The following ADORA2B variants were observed in gnomAD, a reference collection of about 807,000 sequenced individuals.
ADORA2B encodes the protein adenosine A2b receptor.
A neutral mutation model predicts 20.8 loss-of-function variants in ADORA2B; 18 were observed. The observed-to-expected ratio is 0.87, with a 90% CI of 0.60 to 1.29. The LOEUF (loss-of-function observed/expected upper bound fraction) is 1.29, where lower values mean the gene tolerates loss of function less well. Among genes scored for constraint, ADORA2B ranks in the 50% most tolerant of loss-of-function variants. The pLI is 0.00. For synonymous variants in ADORA2B, 179 were observed against 178.3 expected, an observed-to-expected ratio of 1.00 and a Z score of -0.03; for missense variants, 441 against 422.7, an observed-to-expected ratio of 1.04 and a Z score of -0.38.
chr17:15,974,551 C>A (rs1313014387), intron 1 of ADORA2B, 128 bp from the exon 2 acceptor site: 2 of 774,730 alleles, frequency 2.6e-6, no homozygotes, highest in Non-Finnish European at 4.2e-6. Flanking sequence ...AGGGTAAAGG[C>A]CTTAGTGCCC....
the ADORA2B span, among the ~76,000 whole-genome samples, chr17:15,861,321 G>A: frequency 6.6e-6 from 1 of 152,228 alleles, no homozygotes; most frequent in African/African-American, 2.4e-5. Context: ...GGACTAGACT[G>A]GGCTTCCTAA....
chr17:15,902,630 C>G, the ADORA2B span, among the ~76,000 whole-genome samples: 1 of 152,198 alleles, frequency 6.6e-6, no homozygotes, highest in African/African-American at 2.4e-5. Context: ...GCCTTTTTCT[C>G]TTCCATCTGA....
At chr17:15,951,863 C>T (rs921770755) in intron 1 of ADORA2B, among the ~76,000 whole-genome samples, 3 of 152,270 alleles carry the variant, frequency 2.0e-5, no homozygotes, top group South Asian at 4.1e-4. Flanking sequence ...AAGGAGGGCC[C>T]GCTCAAGCCA....
At chr17:15,885,249 C>T in the ADORA2B span, among the ~76,000 whole-genome samples, 8 of 152,232 alleles carry the variant, frequency 5.3e-5, no homozygotes, top group East Asian at 1.5e-3. Context: ...GTACTTTGCC[C>T]ACTTTTTAAA....
intron 1 of ADORA2B, among the ~76,000 whole-genome samples, chr17:15,956,660 G>C (rs11658375): frequency 7.6e-6 from 1 of 132,228 alleles, no homozygotes; most frequent in African/African-American, 2.9e-5. Flanking sequence ...CAATGGTGCA[G>C]TCTTGGCTCA....
At chr17:15,940,370 G>T (rs1201003791), upstream of ADORA2B, among the ~76,000 whole-genome samples, 1 of 152,206 alleles carries the variant, frequency 6.6e-6, no homozygotes, top group Non-Finnish European at 1.5e-5. Context: ...AGCGGAGCCA[G>T]TCCCAAGCTT....
intron 1 of ADORA2B, among the ~76,000 whole-genome samples, chr17:15,947,458 T>G (rs1969821914): frequency 6.6e-6 from 1 of 152,088 alleles, no homozygotes; most frequent in South Asian, 2.1e-4. Context: ...AAAATGGGTG[T>G]GGGTGTGTTA....
chr17:15,930,174 G>A, the ADORA2B span, among the ~76,000 whole-genome samples: 2 of 152,106 alleles, frequency 1.3e-5, no homozygotes, highest in African/African-American at 4.8e-5. Context: ...GAAACAGTGA[G>A]CATCCTGGGG....
At chr17:15,941,300 C>T (rs896352021), upstream of ADORA2B, among the ~76,000 whole-genome samples, 3 of 152,140 alleles carry the variant, frequency 2.0e-5, no homozygotes, top group Admixed American at 2.0e-4. Flanking sequence ...ATATTGTTAT[C>T]CCATCTTATA....
chr17:15,870,125 G>C, the ADORA2B span, among the ~76,000 whole-genome samples: 3 of 148,544 alleles, frequency 2.0e-5, no homozygotes, highest in Non-Finnish European at 3.0e-5. Context: ...TGCAACTGCA[G>C]AGCTGAGTAG....
chr17:15,960,600 G>A (rs1231607945), intron 1 of ADORA2B, among the ~76,000 whole-genome samples: 4 of 142,364 alleles, frequency 2.8e-5, no homozygotes, highest in East Asian at 4.2e-4. Context: ...GGCCGGGCGC[G>A]GTGGCTCATG....
the ADORA2B span, among the ~76,000 whole-genome samples, chr17:15,894,722 A>G: frequency 3.3e-5 from 5 of 152,168 alleles, no homozygotes; most frequent in East Asian, 1.9e-4. Context: ...ACACAACACC[A>G]TGGTGTCTGG....
At chr17:15,909,535 C>T in the ADORA2B span, among the ~76,000 whole-genome samples, 3 of 151,834 alleles carry the variant, frequency 2.0e-5, no homozygotes, top group African/African-American at 4.9e-5. Flanking sequence ...TGCTCTGGAG[C>T]GGCCGGCCTC....
At chr17:15,895,515 A>T in the ADORA2B span, among the ~76,000 whole-genome samples, 1 of 152,106 alleles carries the variant, frequency 6.6e-6, no homozygotes, top group South Asian at 2.1e-4. Flanking sequence ...AGAGCTTGAA[A>T]CACAAATCTG....
At chr17:15,871,605 C>T in the ADORA2B span, among the ~76,000 whole-genome samples, 2 of 152,154 alleles carry the variant, frequency 1.3e-5, no homozygotes, top group Non-Finnish European at 1.5e-5. Context: ...TGCTGAACAG[C>T]GGCTTATCTG....
At chr17:15,944,839 A>G (rs1212915863), upstream of ADORA2B, 1 of 154,602 alleles carries the variant, frequency 6.5e-6, no homozygotes, top group Non-Finnish European at 1.4e-5. This position sits in a 1 kb window ranked among gnomAD's most constrained non-coding sequence, Gnocchi z 4.8. Flanking sequence ...GCCCGGCCCC[A>G]TCCCAGGAGT....
the ADORA2B span, among the ~76,000 whole-genome samples, chr17:15,873,454 C>A: frequency 6.6e-6 from 1 of 152,046 alleles, no homozygotes; most frequent in African/African-American, 2.4e-5. Context: ...AGTAAACAGA[C>A]AACCCACAGA....
the ADORA2B span, among the ~76,000 whole-genome samples, chr17:15,909,268 AAC>A: frequency 6.6e-6 from 1 of 152,158 alleles, no homozygotes; most frequent in African/African-American, 2.4e-5. Context: ...TTATCCAAAA[AAC>A]ACACAAAAAA....
At chr17:15,915,543 A>G in the ADORA2B span, among the ~76,000 whole-genome samples, 3,814 of 152,286 alleles carry the variant, frequency 0.025, 168 homozygotes, top group African/African-American at 0.087. Flanking sequence ...ATAGTTACCA[A>G]GCTGTGTTAG....
Sources: gnomAD v4.1 joint callset for allele counts (sites outside exome capture counted in the v4.1 genomes callset) on GRCh38, gnomAD v4.1.1 for gene constraint, Gnocchi (gnomAD v3.1) non-coding constraint, MANE v1.5 for transcripts, NCBI Gene and HGNC (gene_info 2026-07-23, HGNC 2026-07-21) for gene names.